NLGN4X: variants seen among roughly 807,000 people sequenced by gnomAD.
The protein encoded by NLGN4X is neuroligin 4 X-linked.
Under a neutral mutation model 40.3 loss-of-function variants are expected in NLGN4X, and 3 were observed. The observed-to-expected ratio is 0.07, with a 90% CI of 0.03 to 0.19. NLGN4X has a LOEUF of 0.19. Among genes scored for constraint, NLGN4X ranks in the 10% least tolerant of loss-of-function variants. The probability of loss-of-function intolerance (pLI) is 1.00; values close to 1 mark genes in which losing one functional copy is unlikely to be tolerated. For missense variants in NLGN4X, 382 were observed against 708.3 expected, an observed-to-expected ratio of 0.54 and a Z score of 5.23; for synonymous variants, 270 against 306.8, an observed-to-expected ratio of 0.88 and a Z score of 1.25.
At chrX:6,090,702 T>C (rs1009353355) in intron 2 of NLGN4X, among the ~76,000 whole-genome samples, 8 of 111,824 alleles carry the variant, frequency 7.2e-5, no homozygotes, top group African/African-American at 2.3e-4. Flanking sequence ...TTTATTGATA[T>C]GAAGTGTATT....
chrX:6,048,314 G>C (rs2037380713), intron 2 of NLGN4X, among the ~76,000 whole-genome samples: 1 of 111,456 alleles, frequency 9.0e-6, no homozygotes, highest in African/African-American at 3.3e-5. Context: ...CTTAGGCATA[G>C]AGTAAAAATC....
chrX:6,008,811 C>T (rs1425074005), intron 3 of NLGN4X, among the ~76,000 whole-genome samples: 2 of 112,016 alleles, frequency 1.8e-5, no homozygotes, highest in African/African-American at 6.5e-5. Flanking sequence ...CCTTTCCAAA[C>T]TGAAACTCTA....
intron 2 of NLGN4X, among the ~76,000 whole-genome samples, chrX:6,111,193 G>A (rs888636515): frequency 8.9e-6 from 1 of 112,024 alleles, no homozygotes; most frequent in Non-Finnish European, 1.9e-5. Context: ...CAAACCTAAT[G>A]TATCTTGTTA....
intron 2 of NLGN4X, among the ~76,000 whole-genome samples, chrX:6,046,062 A>C (rs1447143195): frequency 8.9e-6 from 1 of 112,029 alleles, no homozygotes; most frequent in African/African-American, 3.2e-5. Context: ...ATTTGAAAAA[A>C]TTCTTTGCAC....
chrX:5,960,501 G>A (rs906169639), intron 3 of NLGN4X, among the ~76,000 whole-genome samples: 1 of 111,550 alleles, frequency 9.0e-6, no homozygotes, highest in Non-Finnish European at 1.9e-5. Flanking sequence ...AGGAATTTAG[G>A]TATAATGAGC....
chrX:6,202,216 G>C (rs1357154889), intron 1 of NLGN4X, among the ~76,000 whole-genome samples: 1 of 111,019 alleles, frequency 9.0e-6, no homozygotes, highest in African/African-American at 3.3e-5. Context: ...CAGAAAAAAA[G>C]GTATAAGGGA....
intron 3 of NLGN4X, among the ~76,000 whole-genome samples, chrX:5,939,530 C>A (rs1436287994): frequency 9.0e-6 from 1 of 111,403 alleles, no homozygotes; most frequent in East Asian, 2.8e-4. Context: ...AGTGTCCATT[C>A]CATGATTCCT....
At chrX:5,959,455 C>T (rs1001016962) in intron 3 of NLGN4X, among the ~76,000 whole-genome samples, 3 of 111,655 alleles carry the variant, frequency 2.7e-5, no homozygotes, top group African/African-American at 9.8e-5. Context: ...CTAGTAATTC[C>T]TTTCATGAAT....
chrX:6,100,158 T>C (rs1227285479), intron 2 of NLGN4X, among the ~76,000 whole-genome samples: 1 of 112,811 alleles, frequency 8.9e-6, no homozygotes, highest in Non-Finnish European at 1.9e-5. Flanking sequence ...AAGGCACAGA[T>C]CGCTCATGCT....
chrX:6,057,369 T>C (rs982099780), intron 2 of NLGN4X, among the ~76,000 whole-genome samples: 4 of 111,756 alleles, frequency 3.6e-5, no homozygotes, highest in African/African-American at 6.5e-5. Flanking sequence ...ATTGGTGTCA[T>C]AGAATCAGAA....
At chrX:6,105,065 CCTT>C (rs1285107819) in intron 2 of NLGN4X, among the ~76,000 whole-genome samples, 2 of 100,003 alleles carry the variant, frequency 2.0e-5, no homozygotes, top group African/African-American at 3.4e-5. Context: ...TGTATTATCT[CCTT>C]TTTTTTTTTT....
intron 1 of NLGN4X, among the ~76,000 whole-genome samples, chrX:6,191,343 G>A (rs1191149319): frequency 8.9e-6 from 1 of 111,751 alleles, no homozygotes; most frequent in African/African-American, 3.3e-5. Flanking sequence ...GAGATAGGAA[G>A]GCACCAGGCT....
chrX:5,918,927 T>C (rs1257915026), intron 3 of NLGN4X, among the ~76,000 whole-genome samples: 1 of 112,206 alleles, frequency 8.9e-6, no homozygotes, highest in African/African-American at 3.2e-5. Context: ...TTCCATTATA[T>C]CTCTTACTAT....
At chrX:5,973,775 A>G (rs1194310243) in intron 3 of NLGN4X, among the ~76,000 whole-genome samples, 1 of 110,947 alleles carries the variant, frequency 9.0e-6, no homozygotes, top group African/African-American at 3.3e-5. Flanking sequence ...GTGAGCCGAG[A>G]TCGTGCCACT....
chrX:6,064,568 T>C (rs1213569000), intron 2 of NLGN4X, among the ~76,000 whole-genome samples: 2 of 111,572 alleles, frequency 1.8e-5, no homozygotes, highest in African/African-American at 3.3e-5. Context: ...GAGGAATCTT[T>C]AGCTGAAGCA....
At chrX:6,117,596 A>T (rs1000775741) in intron 2 of NLGN4X, among the ~76,000 whole-genome samples, 1 of 111,449 alleles carries the variant, frequency 9.0e-6, no homozygotes, top group Non-Finnish European at 1.9e-5. Context: ...GTTCCTGGGC[A>T]TGAAACAAAT....
chrX:6,134,417 C>T (rs773417290), intron 2 of NLGN4X, among the ~76,000 whole-genome samples: 2 of 111,262 alleles, frequency 1.8e-5, no homozygotes, highest in Non-Finnish European at 1.9e-5. Flanking sequence ...GCATTTTCAC[C>T]CTCTCAGTCT....
intron 3 of NLGN4X, among the ~76,000 whole-genome samples, chrX:5,921,431 GA>G (rs1233591867): frequency 6.6e-5 from 7 of 106,182 alleles, no homozygotes; most frequent in African/African-American, 2.4e-4. Context: ...GAGAGAGAGA[GA>G]GAGGAGAGAC....
At chrX:5,908,156 T>G (rs1179535705) in intron 4 of NLGN4X, among the ~76,000 whole-genome samples, 5 of 88,049 alleles carry the variant, frequency 5.7e-5, no homozygotes, top group Admixed American at 1.3e-4. Context: ...GAGGAGGACA[T>G]AGAGAGGGAG....
Sources: gnomAD v4.1 joint callset for allele counts (sites outside exome capture counted in the v4.1 genomes callset) on GRCh38, gnomAD v4.1.1 for gene constraint, MANE v1.5 for transcripts, NCBI Gene and HGNC (gene_info 2026-07-23, HGNC 2026-07-21) for gene names.